The following RPTOR variants were observed in gnomAD, a reference collection of about 807,000 sequenced individuals.
The protein encoded by RPTOR is regulatory associated protein of MTOR complex 1, also known as regulatory-associated protein of mTOR.
A neutral mutation model predicts 169.9 loss-of-function variants in RPTOR; 21 were observed. The observed-to-expected ratio is 0.12, with a 90% CI of 0.09 to 0.18. RPTOR has a LOEUF of 0.18. RPTOR is among the 10% of genes least tolerant of loss of function. The pLI is 1.00. For missense variants in RPTOR, 1,133 were observed against 1,855.9 expected, an observed-to-expected ratio of 0.61 and a Z score of 7.16; for synonymous variants, 732 against 753.2, an observed-to-expected ratio of 0.97 and a Z score of 0.46.
At chr17:80,810,005 G>C (rs7209810) in intron 7 of RPTOR, among the ~76,000 whole-genome samples, 16,693 of 151,740 alleles carry the variant, frequency 0.11, 1,611 homozygotes, top group African/African-American at 0.26. Context: ...CTGAGATCGT[G>C]ACACTGCACT....
chr17:80,952,861 T>A, intron 28 of RPTOR, among the ~76,000 whole-genome samples: 1 of 15,934 alleles, frequency 6.3e-5, no homozygotes, highest in Non-Finnish European at 1.8e-4. Context: ...TCTTCTTTTT[T>A]TTTTTTTTTT....
chr17:80,695,642 C>T lies in RPTOR; in HGVS notation c.349-12199C>T, dbSNP rs1016064896. On this transcript the variant is annotated intron_variant, in intron 3 of 33. Coordinates refer to ENST00000306801, the MANE Select transcript of RPTOR (RefSeq NM_020761.3). This position sits in a 1 kb window ranked among gnomAD's most constrained non-coding sequence, Gnocchi z 4.9. ...GACCTTGGGCTTCCTAGTCTCTGCA[C>T]GTTACCCCGAATTCCAGAATAATCG... 6.6e-6 allele frequency among the ~76,000 whole-genome samples: 1 copy of T among 152,208 alleles called. No individual in the cohort carries two copies. Among genetic ancestry groups the T allele is most frequent in the African/African-American group, 2.4e-5 (1 of 41,452 alleles).
At chr17:80,753,629 T>G in intron 5 of RPTOR, among the ~76,000 whole-genome samples, 1 of 53,110 alleles carries the variant, frequency 1.9e-5, no homozygotes. Context: ...CGAAACTCCG[T>G]CTCAAAAAAA....
rs56170130 is a variant in RPTOR at position 80,927,606 on chromosome 17, GTGTCTGTCTGTC to G, written c.2919+2144_2919+2155del. ...CAGAGGCATGTGGAAGGCCGTGTGTGTGTCTGTCTGTCTGTCTGTCTGTCTGTCTCTATGTGT... is the reference window on the plus strand; with the variant it reads ...CAGAGGCATGTGGAAGGCCGTGTGTGTGTCTGTCTGTCTGTCTCTATGTGT... On this transcript the variant is annotated intron_variant, in intron 24 of 33. Transcript: ENST00000306801. 7.3e-5 allele frequency among the ~76,000 whole-genome samples: 5 copies of G among 68,096 alleles called. No homozygotes were observed. In the South Asian group the frequency reaches 1.9e-3, roughly 25 times the overall value. The allele number at this position is 68,096 out of a possible 152,430, so 44.7% of individuals were successfully genotyped here.
At chr17:80,698,238 G>T (rs1438579696) in intron 3 of RPTOR, among the ~76,000 whole-genome samples, 1 of 152,180 alleles carries the variant, frequency 6.6e-6, no homozygotes, top group African/African-American at 2.4e-5. Flanking sequence ...AGTGAGCAGG[G>T]GAGCCACGTG....
At chr17:80,661,351 C>G (rs9906377) in intron 3 of RPTOR, among the ~76,000 whole-genome samples, 7,882 of 152,216 alleles carry the variant, frequency 0.052, 682 homozygotes, top group African/African-American at 0.18. Flanking sequence ...GAGTCGGAGC[C>G]GGAGAGGCAG....
chr17:80,668,976 T>C (rs1455979989), intron 3 of RPTOR, among the ~76,000 whole-genome samples: 1 of 146,220 alleles, frequency 6.8e-6, no homozygotes, highest in Admixed American at 6.8e-5. Flanking sequence ...GCTGTGGGTC[T>C]GCTGCCTCCC....
chr17:80,655,959 C>T (rs146860648), intron 3 of RPTOR, among the ~76,000 whole-genome samples: 30 of 152,144 alleles, frequency 2.0e-4, no homozygotes, highest in African/African-American at 5.8e-4. Flanking sequence ...AGAGTGAACA[C>T]GGAAGGGAGA....
chr17:80,930,851 G>A (rs1317851770), intron 24 of RPTOR, among the ~76,000 whole-genome samples: 2 of 152,220 alleles, frequency 1.3e-5, no homozygotes, highest in Non-Finnish European at 2.9e-5. Flanking sequence ...CAGGGACCGT[G>A]CAGTGCCATT....
intron 1 of RPTOR, among the ~76,000 whole-genome samples, chr17:80,617,019 C>G (rs550454813): frequency 3.9e-5 from 6 of 152,144 alleles, no homozygotes; most frequent in African/African-American, 1.4e-4. Context: ...GACATACATG[C>G]ACAACCATGA....
intron 14 of RPTOR, among the ~76,000 whole-genome samples, chr17:80,882,106 C>G (rs1214905335): frequency 6.6e-6 from 1 of 152,188 alleles, no homozygotes; most frequent in Non-Finnish European, 1.5e-5. Flanking sequence ...GAAGAGAATT[C>G]ATGAAGGAGC....
intron 2 of RPTOR, among the ~76,000 whole-genome samples, chr17:80,640,639 G>A (rs1374857061): frequency 6.6e-6 from 1 of 152,184 alleles, no homozygotes; most frequent in African/African-American, 2.4e-5. Context: ...CTGCCAGGCT[G>A]TCTCTACTAA....
intron 5 of RPTOR, among the ~76,000 whole-genome samples, chr17:80,739,605 C>T (rs1400386793): frequency 6.6e-6 from 1 of 152,142 alleles, no homozygotes; most frequent in Admixed American, 6.5e-5. Context: ...AAGTTTTAAA[C>T]AGCACAGCGT....
intron 3 of RPTOR, among the ~76,000 whole-genome samples, chr17:80,678,289 G>A (rs2065874306): frequency 6.6e-6 from 1 of 152,218 alleles, no homozygotes; most frequent in Non-Finnish European, 1.5e-5. Context: ...ATCAGCAGGG[G>A]AAATTTAGTG....
intron 17 of RPTOR, 85 bp downstream of exon 17, chr17:80,885,233 A>G: frequency 7.0e-7 from 1 of 1,436,996 alleles, no homozygotes; most frequent in Non-Finnish European, 9.3e-7. Flanking sequence ...GGCCCTGACC[A>G]CAGCAGGGAG....
At chr17:80,841,299 AGCACGGCAGCTCACACTCACC>A (rs2067650659) in intron 10 of RPTOR, among the ~76,000 whole-genome samples, 4 of 12,146 alleles carry the variant, frequency 3.3e-4, no homozygotes, top group East Asian at 3.9e-3. Context: ...TCACTCTCAC[AGCACGGCAGCTCACACTCACC>A]GCACGGCAGC....
chr17:80,643,691 G>A (rs1567836175), intron 2 of RPTOR, 37 bp from the exon 3 acceptor site: 1 of 1,517,622 alleles, frequency 6.6e-7, no homozygotes. Flanking sequence ...AGGAAATGCA[G>A]ACGTAAAGAA....
At chr17:80,737,739 C>T (rs2066445511) in intron 5 of RPTOR, among the ~76,000 whole-genome samples, 1 of 151,924 alleles carries the variant, frequency 6.6e-6, no homozygotes, top group Admixed American at 6.6e-5. Flanking sequence ...ATATCTGCTC[C>T]CTGGTGTTAA....
At chr17:80,568,024 A>C (rs1373274896) in intron 1 of RPTOR, among the ~76,000 whole-genome samples, 2 of 151,776 alleles carry the variant, frequency 1.3e-5, no homozygotes, top group Non-Finnish European at 2.9e-5. Flanking sequence ...TTCGTGCCTC[A>C]GCCTCCCAAG....
Sources: gnomAD v4.1 joint callset for allele counts (sites outside exome capture counted in the v4.1 genomes callset) on GRCh38, gnomAD v4.1.1 for gene constraint, Gnocchi (gnomAD v3.1) non-coding constraint, MANE v1.5 for transcripts, NCBI Gene and HGNC (gene_info 2026-07-23, HGNC 2026-07-21) for gene names.